WDR72: variants seen among roughly 807,000 people sequenced by gnomAD.
WDR72 encodes the protein WD repeat-containing protein 72.
In WDR72, 120 loss-of-function variants were observed where a neutral mutation model predicts 124.2. That is an observed-to-expected ratio of 0.97 (90% confidence interval 0.83 to 1.12). The LOEUF (loss-of-function observed/expected upper bound fraction) is 1.12. Ranked by LOEUF, WDR72 falls within the 50% of genes most tolerant of loss-of-function variation. The probability of loss-of-function intolerance (pLI) is 0.00; values close to 1 mark genes in which losing one functional copy is unlikely to be tolerated. For missense variants in WDR72, 1,387 were observed against 1,278.8 expected, an observed-to-expected ratio of 1.08 and a Z score of -1.29; for synonymous variants, 452 against 441.7, an observed-to-expected ratio of 1.02 and a Z score of -0.29.
intron 9 of WDR72, among the ~76,000 whole-genome samples, chr15:53,707,737 C>T (rs139919629): frequency 0.01 from 1,549 of 152,252 alleles, 22 homozygotes; most frequent in African/African-American, 0.036. Flanking sequence ...TGAGCCACTG[C>T]GCCCGGCCAA....
chr15:53,597,501 T>C (rs1269967981), intron 17 of WDR72, among the ~76,000 whole-genome samples: 1 of 152,128 alleles, frequency 6.6e-6, no homozygotes, highest in Non-Finnish European at 1.5e-5. Context: ...AAAAGGATAC[T>C]TGAGGGGCAT....
chr15:53,700,696 G>A (rs74018739), intron 12 of WDR72, among the ~76,000 whole-genome samples: 4,133 of 152,152 alleles, frequency 0.027, 97 homozygotes, highest in East Asian at 0.069. Flanking sequence ...CTCTGGAGGC[G>A]GGGATGCAGG....
At chr15:53,588,130 A>G (rs2012315676) in intron 18 of WDR72, among the ~76,000 whole-genome samples, 1 of 152,018 alleles carries the variant, frequency 6.6e-6, no homozygotes, top group African/African-American at 2.4e-5. Context: ...GACAATTAAC[A>G]TATTATTTAG....
intron 1 of WDR72, among the ~76,000 whole-genome samples, chr15:53,738,056 T>A (rs1341965533): frequency 6.6e-6 from 1 of 152,158 alleles, no homozygotes; most frequent in Non-Finnish European, 1.5e-5. Flanking sequence ...TCTGAATGTT[T>A]GGAAACTAAA....
intron 16 of WDR72, 151 bp from the exon 17 acceptor site, chr15:53,609,743 A>G (rs1595791476): frequency 1.4e-6 from 1 of 706,084 alleles, no homozygotes; most frequent in East Asian, 2.8e-5. Context: ...TTTATTTTAC[A>G]GATCCTGTGG....
At chr15:53,519,004 G>T (rs924186423) in intron 19 of WDR72, among the ~76,000 whole-genome samples, 2 of 152,170 alleles carry the variant, frequency 1.3e-5, no homozygotes, top group Non-Finnish European at 1.5e-5. Context: ...AATGCATTTT[G>T]TTGGACTTCT....
chr15:53,536,887 TC>T (rs1892791745), intron 18 of WDR72, among the ~76,000 whole-genome samples: 2 of 152,312 alleles, frequency 1.3e-5, no homozygotes, highest in East Asian at 3.9e-4. Context: ...CTGTTGTCTG[TC>T]TGCTGCCTTA....
intron 14 of WDR72, among the ~76,000 whole-genome samples, chr15:53,650,620 TG>T (rs1477945345): frequency 6.6e-6 from 1 of 152,130 alleles, no homozygotes; most frequent in East Asian, 1.9e-4. Flanking sequence ...CTGTTCCTTA[TG>T]GCAAAATCTT....
rs552863454 is a variant in WDR72 at position 53,742,882 on chromosome 15, G to A, written c.-12-9721C>T. ...TTGCATTTTGTAACATATAAGCAAT[G>A]TAATCAACATTTTATCATATAATCA... On this transcript the variant is annotated intron_variant, in intron 1 of 19. Transcript: ENST00000360509. 1.3e-4 allele frequency among the ~76,000 whole-genome samples: 20 copies of A among 152,220 alleles called. 1 individual carries two copies. The South Asian group carries it at 4.2e-3, about 32-fold the overall frequency.
At chr15:53,736,938 TGA>T (rs796971072) in intron 1 of WDR72, among the ~76,000 whole-genome samples, 16 of 151,488 alleles carry the variant, frequency 1.1e-4, no homozygotes, top group African/African-American at 3.9e-4. Context: ...AAAACTTGAA[TGA>T]TCCCTGTGGT....
chr15:53,528,012 G>T (rs1892223056), intron 18 of WDR72, among the ~76,000 whole-genome samples: 1 of 151,990 alleles, frequency 6.6e-6, no homozygotes, highest in Non-Finnish European at 1.5e-5. Flanking sequence ...ATAAAATTCA[G>T]GTAGAAGAAA....
chr15:53,621,412 A>C (rs2013983751), intron 14 of WDR72, among the ~76,000 whole-genome samples: 1 of 135,222 alleles, frequency 7.4e-6, no homozygotes, highest in South Asian at 2.3e-4. Context: ...TCCATCAATG[A>C]GTGGATAAAG....
intron 1 of WDR72, among the ~76,000 whole-genome samples, chr15:53,759,134 C>T (rs911349620): frequency 2.0e-5 from 3 of 152,148 alleles, no homozygotes; most frequent in Non-Finnish European, 2.9e-5. Context: ...TAGGCCCACC[C>T]GGTCGTTTTC....
chr15:53,681,629 G>C (rs1323603860), intron 13 of WDR72, among the ~76,000 whole-genome samples: 2 of 152,142 alleles, frequency 1.3e-5, no homozygotes, highest in Non-Finnish European at 2.9e-5. Flanking sequence ...GCAGCAAAGG[G>C]TGGGACTTAA....
intron 4 of WDR72, 76 bp from the exon 5 acceptor site, chr15:53,715,443 C>G: frequency 6.4e-7 from 1 of 1,558,740 alleles, no homozygotes; most frequent in South Asian, 1.1e-5. Context: ...GAAGATTTCT[C>G]TAGACTTTAG....
intron 14 of WDR72, among the ~76,000 whole-genome samples, chr15:53,624,923 T>A (rs1286081641): frequency 6.6e-6 from 1 of 152,076 alleles, no homozygotes; most frequent in East Asian, 1.9e-4. Flanking sequence ...ATTTTCTGAG[T>A]TTTCACATTT....
chr15:53,547,445 AT>A (rs555736854), intron 18 of WDR72, among the ~76,000 whole-genome samples: 102 of 152,258 alleles, frequency 6.7e-4, no homozygotes, highest in Non-Finnish European at 1.2e-3. Flanking sequence ...TACTATTATA[AT>A]ATCATTCATT....
At chr15:53,636,716 G>A (rs1012053591) in intron 14 of WDR72, among the ~76,000 whole-genome samples, 1 of 152,134 alleles carries the variant, frequency 6.6e-6, no homozygotes, top group Non-Finnish European at 1.5e-5. Flanking sequence ...AATGGAGTAC[G>A]TCTTGTGGGT....
intron 1 of WDR72, among the ~76,000 whole-genome samples, chr15:53,757,977 TTCTCTCTCTCTCTCTCTC>T (rs5812712): frequency 6.7e-6 from 1 of 148,664 alleles, no homozygotes; most frequent in Admixed American, 6.7e-5. Context: ...AGAGTTTATT[TTCTCTCTCTCTCTCTCTC>T]TCTCTCTCTC....
Sources: allele counts gnomAD v4.1 joint callset (sites outside exome capture counted in the v4.1 genomes callset), GRCh38; gene constraint gnomAD v4.1.1; transcripts MANE v1.5; gene names NCBI Gene and HGNC (gene_info 2026-07-23, HGNC 2026-07-21).